The following IQCM variants were observed in gnomAD, a reference collection of about 807,000 sequenced individuals.
The protein encoded by IQCM is IQ motif containing M, also known as IQ domain-containing protein M.
In IQCM, 45 loss-of-function variants were observed where a neutral mutation model predicts 57.6. The observed-to-expected ratio is 0.78, with a 90% confidence interval of 0.62 to 1.00. IQCM has a LOEUF of 1.00. IQCM is among the 50% of genes least tolerant of loss of function. The pLI, the probability that IQCM is intolerant of heterozygous loss-of-function variation, is 0.00. For synonymous variants in IQCM, 148 were observed against 158.9 expected (o/e 0.93, Z 0.51); for missense variants, 468 against 511.6 (o/e 0.91, Z 0.82).
At chr4:149,763,943 C>T (rs112211822) in intron 2 of IQCM, among the ~76,000 whole-genome samples, 2,732 of 151,156 alleles carry the variant, frequency 0.018, 90 homozygotes, top group African/African-American at 0.064. Context: ...GAGCAAAGTG[C>T]CCTATTTGCC....
intron 12 of IQCM, among the ~76,000 whole-genome samples, chr4:149,522,289 C>T (rs1745732368): frequency 6.6e-6 from 1 of 152,134 alleles, no homozygotes; most frequent in Admixed American, 6.5e-5. Flanking sequence ...CAGTAGCTGG[C>T]CCTGTCTGCC....
intron 12 of IQCM, among the ~76,000 whole-genome samples, chr4:149,490,955 A>C (rs1334319716): frequency 6.6e-6 from 1 of 152,108 alleles, no homozygotes; most frequent in African/African-American, 2.4e-5. Context: ...GAGGAAGATT[A>C]GTTTGGATGT....
intron 12 of IQCM, among the ~76,000 whole-genome samples, chr4:149,535,371 G>A (rs567346989): frequency 6.6e-6 from 1 of 152,014 alleles, no homozygotes; most frequent in South Asian, 2.1e-4. Context: ...GACTTGTATG[G>A]CTAAGTTTTT....
intron 5 of IQCM, among the ~76,000 whole-genome samples, chr4:149,731,501 C>G (rs1766455203): frequency 6.6e-6 from 1 of 152,154 alleles, no homozygotes; most frequent in Non-Finnish European, 1.5e-5. Context: ...GCAGCAAGAA[C>G]AGACTGAGAT....
At chr4:149,581,306 C>CG (rs1400283395) in intron 9 of IQCM, among the ~76,000 whole-genome samples, 6 of 138,492 alleles carry the variant, frequency 4.3e-5, no homozygotes, top group Non-Finnish European at 9.9e-5. Context: ...TATATATATA[C>CG]TTGTGTGTGT....
chr4:149,487,081 C>T (rs767389461), intron 12 of IQCM, among the ~76,000 whole-genome samples: 4 of 152,128 alleles, frequency 2.6e-5, no homozygotes, highest in Non-Finnish European at 5.9e-5. Context: ...GTCCAAGGCT[C>T]ACAGTGTACT....
At chr4:149,536,970 G>C (rs1300372008) in intron 12 of IQCM, among the ~76,000 whole-genome samples, 1 of 151,898 alleles carries the variant, frequency 6.6e-6, no homozygotes, top group African/African-American at 2.4e-5. Context: ...AGTAAATCCT[G>C]GAGCAGGCCA....
intron 9 of IQCM, among the ~76,000 whole-genome samples, chr4:149,581,455 T>G (rs918851116): frequency 1.3e-5 from 2 of 151,556 alleles, no homozygotes; most frequent in Non-Finnish European, 3.0e-5. Flanking sequence ...TGAAAATGAC[T>G]ACTTTTCTTG....
In IQCM at chr4:149,738,965, A is replaced by G. The variant is rs73857732; in HGVS notation, c.38-3507T>C. ...CCCACAAATGAGTCTAAAAATTACAAGAAATCAAACAACATTTTTATTAAA... is the reference window on the plus strand; with the variant it reads ...CCCACAAATGAGTCTAAAAATTACAGGAAATCAAACAACATTTTTATTAAA... On this transcript the variant is annotated intron_variant, in intron 3 of 13. Transcript: ENST00000636793. 9.0e-3 allele frequency among the ~76,000 whole-genome samples: 1,369 copies of G among 152,314 alleles called. 10 individuals carry two copies. The highest frequency in any genetic ancestry group is 0.031 in the African/African-American group (1,268 of 41,564).
intron 13 of IQCM, among the ~76,000 whole-genome samples, chr4:149,359,910 C>T (rs1344218086): frequency 6.6e-6 from 1 of 152,088 alleles, no homozygotes; most frequent in Non-Finnish European, 1.5e-5. Flanking sequence ...TCTACTGAGT[C>T]CTGTTTGTTT....
At chr4:149,564,827 A>C (rs889655931) in intron 9 of IQCM, among the ~76,000 whole-genome samples, 4 of 130,984 alleles carry the variant, frequency 3.1e-5, no homozygotes, top group African/African-American at 1.2e-4. Context: ...ATATATATAT[A>C]TTCCATTAGT....
At chr4:149,690,810 TG>T (rs1762890205) in intron 5 of IQCM, 1 of 152,136 alleles carries the variant, frequency 6.6e-6, no homozygotes, top group Non-Finnish European at 1.5e-5. Context: ...GTTCTGTTTT[TG>T]TTTTTGTAAA....
chr4:149,463,862 T>C (rs1738561648), intron 12 of IQCM, among the ~76,000 whole-genome samples: 1 of 152,184 alleles, frequency 6.6e-6, no homozygotes, highest in East Asian at 1.9e-4. Flanking sequence ...GTTCAACATT[T>C]CTGGAGAAAT....
chr4:149,587,251 C>T (rs1172898166), intron 9 of IQCM, among the ~76,000 whole-genome samples: 2 of 151,694 alleles, frequency 1.3e-5, no homozygotes, highest in African/African-American at 4.8e-5. Flanking sequence ...AAATAGTTTC[C>T]CTCCAGTTTC....
intron 2 of IQCM, among the ~76,000 whole-genome samples, chr4:149,746,687 T>C (rs1212527335): frequency 6.6e-6 from 1 of 152,194 alleles, no homozygotes; most frequent in Non-Finnish European, 1.5e-5. Context: ...GACTTAGTTT[T>C]CTCATTTACA....
chr4:149,378,073 C>T (rs774716245), intron 13 of IQCM, among the ~76,000 whole-genome samples: 1 of 152,068 alleles, frequency 6.6e-6, no homozygotes, highest in Non-Finnish European at 1.5e-5. Context: ...AGAGGAACAC[C>T]CTTTCACTTG....
chr4:149,563,070 C>A (rs111887075), intron 10 of IQCM, among the ~76,000 whole-genome samples: 3 of 152,100 alleles, frequency 2.0e-5, no homozygotes, highest in Non-Finnish European at 2.9e-5. Flanking sequence ...TGCATTTGCC[C>A]AGCCAAAATG....
intron 5 of IQCM, 100 bp downstream of exon 5, chr4:149,733,144 A>G: frequency 1.9e-6 from 2 of 1,040,444 alleles, no homozygotes; most frequent in Non-Finnish European, 1.2e-6. Flanking sequence ...TTTAAAGTTC[A>G]GGGAATTATT....
chr4:149,490,504 T>A (rs1291639651), intron 12 of IQCM, among the ~76,000 whole-genome samples: 1 of 152,116 alleles, frequency 6.6e-6, no homozygotes, highest in Non-Finnish European at 1.5e-5. Flanking sequence ...AAACATACTA[T>A]GAGCCAAATC....
Sources: allele counts gnomAD v4.1 joint callset (sites outside exome capture counted in the v4.1 genomes callset), GRCh38; gene constraint gnomAD v4.1.1; transcripts MANE v1.5; gene names NCBI Gene and HGNC (gene_info 2026-07-23, HGNC 2026-07-21).